The following ZNF232 variants were observed in gnomAD, a reference collection of about 807,000 sequenced individuals.
ZNF232 encodes zinc finger and SCAN domain-containing protein 11.
ZNF232 carries 25 observed loss-of-function variants against 25.2 expected under a neutral mutation model. The observed-to-expected ratio is 0.99, with a 90% confidence interval of 0.72 to 1.39. ZNF232 has a LOEUF of 1.39. ZNF232 is among the 40% of genes most tolerant of loss of function. The probability of loss-of-function intolerance (pLI) is 0.00; values close to 1 mark genes in which losing one functional copy is unlikely to be tolerated. For missense variants in ZNF232, 519 were observed against 520.9 expected (o/e 1.00, Z 0.04); for synonymous variants, 193 against 182.9 (o/e 1.06, Z -0.45).
At chr17:5,118,949 A>G (rs921918905) in intron 1 of ZNF232, among the ~76,000 whole-genome samples, 31 of 152,224 alleles carry the variant, frequency 2.0e-4, no homozygotes, top group Non-Finnish European at 1.3e-4. Flanking sequence ...TTATTCAGAA[A>G]GAACCAATCG....
chr17:5,120,716 T>G (rs147289597), intron 1 of ZNF232: 50 of 428,614 alleles, frequency 1.2e-4, no homozygotes, highest in Non-Finnish European at 8.9e-5. Context: ...GGATCCTGAA[T>G]GAGATGCATG....
At chr17:5,108,777 GTC>G (rs1206792073) in intron 3 of ZNF232, 147 bp downstream of exon 3, 1 of 1,259,234 alleles carries the variant, frequency 7.9e-7, no homozygotes, top group African/African-American at 1.5e-5. Context: ...AACAGGCAAA[GTC>G]TCTCACCTAA....
intron 1 of ZNF232, among the ~76,000 whole-genome samples, chr17:5,118,041 C>T (rs2072573313): frequency 6.6e-6 from 1 of 150,562 alleles, no homozygotes; most frequent in Non-Finnish European, 1.5e-5. Context: ...TGCACTCTAG[C>T]CTGGGCAACA....
chr17:5,122,176 C>T (rs1258003730), intron 1 of ZNF232, among the ~76,000 whole-genome samples: 3 of 151,782 alleles, frequency 2.0e-5, no homozygotes, highest in Non-Finnish European at 4.4e-5. Context: ...GTGGTGCACG[C>T]AGAAGAGAGG....
At chr17:5,108,900 C>T (rs991768189) in intron 3 of ZNF232, 26 bp downstream of exon 3, 16 of 1,613,650 alleles carry the variant, frequency 9.9e-6, no homozygotes, top group Admixed American at 5.0e-5. Flanking sequence ...TTCTCCTCTC[C>T]CTCCCCACAG....
rs117970771 is a variant in ZNF232, at chr17:5,108,834, C to A, written c.625+92G>T. On this transcript the variant is annotated intron_variant, in intron 3 of 3. Coordinates refer to ENST00000575898, the Ensembl canonical transcript of ZNF232. The stretch of plus-strand genomic sequence containing the variant: ...TGTGATGATACCAAACATTTAAGCA[C>A]CTACTACTATTTACCCTTTACAGGT... 50 of 1,581,330 alleles carry A rather than the reference C, an allele frequency of 3.2e-5. No homozygotes were observed. In the African/African-American group the frequency reaches 6.5e-4, roughly 20 times the overall value.
At chr17:5,106,223 G>A (rs763723740) in exon 4 of ZNF232, 46 of 1,614,110 alleles carry the variant, frequency 2.8e-5, no homozygotes, top group Non-Finnish European at 3.8e-5. Flanking sequence ...AGTTATAAAT[G>A]AAGGTTTTAC....
chr17:5,106,867 GA>G (rs1370900077), intron 3 of ZNF232, among the ~76,000 whole-genome samples: 2 of 152,118 alleles, frequency 1.3e-5, no homozygotes, highest in East Asian at 3.9e-4. Flanking sequence ...GGAAAAACAT[GA>G]AAGAATCATT....
intron 1 of ZNF232, among the ~76,000 whole-genome samples, chr17:5,116,948 C>G (rs1405392477): frequency 6.6e-6 from 1 of 152,168 alleles, no homozygotes; most frequent in Non-Finnish European, 1.5e-5. Flanking sequence ...GGAAAGGCCA[C>G]AGGGCAAGAG....
intron 3 of ZNF232, among the ~76,000 whole-genome samples, chr17:5,106,835 G>A (rs533340232): frequency 2.0e-5 from 3 of 152,208 alleles, no homozygotes; most frequent in Admixed American, 2.0e-4. Flanking sequence ...CAAGGAATCA[G>A]GGAATGATGT....
intron 3 of ZNF232, among the ~76,000 whole-genome samples, chr17:5,107,916 TA>T (rs112466413): frequency 0.037 from 5,466 of 149,538 alleles, 125 homozygotes; most frequent in African/African-American, 0.063. Context: ...TTGCTATATA[TA>T]AAAAAAAAAT....
chr17:5,122,536 CG>C (rs1388816936), intron 1 of ZNF232, among the ~76,000 whole-genome samples: 4 of 152,238 alleles, frequency 2.6e-5, no homozygotes, highest in Non-Finnish European at 5.9e-5. Flanking sequence ...CCTTGGCCCG[CG>C]TGCCACCCGG....
At chr17:5,109,372 C>T in intron 2 of ZNF232, 22 bp downstream of exon 2, 1 of 1,613,862 alleles carries the variant, frequency 6.2e-7, no homozygotes, top group Middle Eastern at 1.7e-4. Flanking sequence ...GCTCCCATAA[C>T]AGACCAAATC....
chr17:5,108,203 G>A (rs1428078389), intron 3 of ZNF232, among the ~76,000 whole-genome samples: 1 of 152,192 alleles, frequency 6.6e-6, no homozygotes, highest in Non-Finnish European at 1.5e-5. Context: ...CAAATATCAA[G>A]TAGACTCTTC....
upstream of ZNF232, chr17:5,116,340 T>TCACCACTCCCGGC (rs2072538832): frequency 7.3e-6 from 1 of 137,736 alleles, no homozygotes; most frequent in Non-Finnish European, 1.7e-5. Flanking sequence ...ACTCCCGGCT[T>TCACCACTCCCGGC]CCCGGGGCTT....
intron 1 of ZNF232, 124 bp downstream of exon 1, chr17:5,111,676 C>G: frequency 5.3e-6 from 8 of 1,503,892 alleles, no homozygotes; most frequent in Non-Finnish European, 7.2e-6. Context: ...AACCCAAACC[C>G]CTCTCCACAC....
At chr17:5,109,588 C>G (rs772439143) in exon 2 of ZNF232, 1 of 1,614,234 alleles carries the variant, frequency 6.2e-7, no homozygotes, top group Non-Finnish European at 8.5e-7. Context: ...CAGCAGAGTA[C>G]TCGTAGTTGG....
chr17:5,122,189 A>G (rs1371594163), intron 1 of ZNF232, among the ~76,000 whole-genome samples: 1 of 151,942 alleles, frequency 6.6e-6, no homozygotes, highest in Non-Finnish European at 1.5e-5. Flanking sequence ...AAGAGAGGTT[A>G]TAGCTCAAAA....
chr17:5,119,533 G>T (rs1263057211), intron 1 of ZNF232, among the ~76,000 whole-genome samples: 4 of 152,166 alleles, frequency 2.6e-5, no homozygotes, highest in Admixed American at 2.6e-4. Context: ...CCTGGGCTGG[G>T]CCATGCTTCC....
Sources: gnomAD v4.1 joint callset for allele counts (sites outside exome capture counted in the v4.1 genomes callset) on GRCh38, gnomAD v4.1.1 for gene constraint, MANE v1.5 for transcripts, NCBI Gene and HGNC (gene_info 2026-07-23, HGNC 2026-07-21) for gene names.